The following OTUD7A variants were observed in gnomAD, a reference collection of about 807,000 sequenced individuals.
OTUD7A encodes the protein OTU deubiquitinase 7A, also known as OTU domain-containing protein 7A.
Under a neutral mutation model 65.7 loss-of-function variants are expected in OTUD7A, and 12 were observed. That is an observed-to-expected ratio of 0.18 (90% CI 0.12 to 0.30). The LOEUF (loss-of-function observed/expected upper bound fraction) is 0.30, where lower values mean the gene tolerates loss of function less well. Among genes scored for constraint, OTUD7A ranks in the 10% least tolerant of loss-of-function variants. The probability of loss-of-function intolerance (pLI) is 1.00; values close to 1 mark genes in which losing one functional copy is unlikely to be tolerated. For missense variants in OTUD7A, 1,148 were observed against 1,304.8 expected, an observed-to-expected ratio of 0.88 and a Z score of 1.85; for synonymous variants, 641 against 586.3, an observed-to-expected ratio of 1.09 and a Z score of -1.35.
intron 1 of OTUD7A, among the ~76,000 whole-genome samples, chr15:31,782,725 G>A (rs920333409): frequency 3.3e-5 from 5 of 151,956 alleles, no homozygotes; most frequent in Admixed American, 3.3e-4. Context: ...GATTGGCTTG[G>A]GGGTACAGAG....
intron 3 of OTUD7A, among the ~76,000 whole-genome samples, chr15:31,633,116 G>A (rs1203837404): frequency 6.6e-5 from 10 of 152,178 alleles, no homozygotes; most frequent in Admixed American, 3.9e-4. Flanking sequence ...CGCACAGTGC[G>A]CTGCACCCAC....
At chr15:31,681,197 T>C (rs893868533) in intron 1 of OTUD7A, among the ~76,000 whole-genome samples, 1 of 151,820 alleles carries the variant, frequency 6.6e-6, no homozygotes, top group African/African-American at 2.4e-5. Flanking sequence ...TCTTTCCTGA[T>C]TTTCTGTCTC....
intron 1 of OTUD7A, among the ~76,000 whole-genome samples, chr15:31,684,000 C>G (rs1445894351): frequency 1.3e-5 from 2 of 152,130 alleles, no homozygotes; most frequent in African/African-American, 4.8e-5. Context: ...AGCATTGGCT[C>G]AAGACCAAAT....
At chr15:31,577,657 A>G (rs1566928193) in intron 3 of OTUD7A, among the ~76,000 whole-genome samples, 1 of 152,134 alleles carries the variant, frequency 6.6e-6, no homozygotes, top group Non-Finnish European at 1.5e-5. Context: ...GGTCATGGTC[A>G]TTCGTACTGG....
At chr15:31,642,908 A>T (rs1233174713) in intron 3 of OTUD7A, among the ~76,000 whole-genome samples, 2 of 150,940 alleles carry the variant, frequency 1.3e-5, no homozygotes, top group East Asian at 3.9e-4. Context: ...TTATTATTTC[A>T]TTTCTTCTGT....
intron 6 of OTUD7A, among the ~76,000 whole-genome samples, chr15:31,528,990 T>C (rs1005124119): frequency 1.3e-5 from 2 of 152,204 alleles, no homozygotes; most frequent in Non-Finnish European, 2.9e-5. Flanking sequence ...CCAGGCTCTC[T>C]TGCAGATGGA....
At chr15:31,794,383 T>C (rs970146919) in intron 1 of OTUD7A, among the ~76,000 whole-genome samples, 8 of 152,186 alleles carry the variant, frequency 5.3e-5, no homozygotes, top group Non-Finnish European at 1.2e-4. Flanking sequence ...AGAGATTATT[T>C]AATGTTCCTA....
rs780690542 is a variant in OTUD7A at position 31,503,827 on chromosome 15, C to T, written c.894-9G>A. ...CCTCAGAGTTGTCCACACTGTGAAA[C>T]AAAACAGAGCCAGCTGGTCACTGAC... On this transcript the variant is annotated splice_polypyrimidine_tract_variant and intron_variant, in intron 8 of 12. Coordinates refer to ENST00000307050, the MANE Select transcript of OTUD7A (RefSeq NM_001382637.1). 6.2e-7 allele frequency: 1 copy of T among 1,613,922 alleles called. No individual in the cohort carries two copies. The highest frequency in any genetic ancestry group is 1.7e-5 in the Admixed American group (1 of 60,010).
At chr15:31,507,248 A>T (rs996775162) in intron 8 of OTUD7A, among the ~76,000 whole-genome samples, 1 of 152,178 alleles carries the variant, frequency 6.6e-6, no homozygotes, top group Non-Finnish European at 1.5e-5. Context: ...GATTAAGGGT[A>T]GGTTTAGAGT....
chr15:31,733,516 C>G (rs985485903), intron 1 of OTUD7A, among the ~76,000 whole-genome samples: 4 of 152,176 alleles, frequency 2.6e-5, no homozygotes, highest in African/African-American at 9.7e-5. Flanking sequence ...AACGCTTTTT[C>G]CTCTAGGAAG....
At chr15:31,510,510 A>C (rs2041672317) in intron 8 of OTUD7A, among the ~76,000 whole-genome samples, 1 of 143,432 alleles carries the variant, frequency 7.0e-6, no homozygotes, top group Non-Finnish European at 1.5e-5. Flanking sequence ...TAACATACAT[A>C]TATATGTATA....
chr15:31,670,927 G>A (rs554372012), intron 1 of OTUD7A, among the ~76,000 whole-genome samples: 9 of 152,114 alleles, frequency 5.9e-5, no homozygotes, highest in African/African-American at 1.4e-4. Context: ...CCCGGGAGGC[G>A]GAGCTTGCAG....
At position 31,482,780 on chromosome 15, in the gene OTUD7A, TCCTAGGCCTC is replaced by T. The variant is rs2041146813; in HGVS notation, c.*504_*513del. Reference sequence around the variant, plus strand: ...AGCTGGCGGCCAGGTACCCGCCTTCTCCTAGGCCTCGGGATGGGAGGCAGGTAGAGCTCAC... The same window carrying T: ...AGCTGGCGGCCAGGTACCCGCCTTCTGGGATGGGAGGCAGGTAGAGCTCAC... On this transcript the variant is annotated 3_prime_UTR_variant, in exon 13 of 13. Transcript: ENST00000307050. The T allele has an allele frequency of 6.6e-6, 1 of 152,176 alleles. No homozygotes were observed. Among genetic ancestry groups the T allele is most frequent in the Non-Finnish European group, 1.5e-5 (1 of 68,048 alleles). The allele number at this position is 152,176 out of a possible 1,614,324, so 9.4% of individuals were successfully genotyped here.
intron 1 of OTUD7A, among the ~76,000 whole-genome samples, chr15:31,822,730 C>T (rs1896714492): frequency 6.6e-6 from 1 of 152,222 alleles, no homozygotes; most frequent in Admixed American, 6.5e-5. Context: ...GAAGAGACTT[C>T]ATCTCTAATC....
chr15:31,863,489 T>C (rs919969963), intron 1 of OTUD7A, among the ~76,000 whole-genome samples: 1 of 152,238 alleles, frequency 6.6e-6, no homozygotes, highest in Non-Finnish European at 1.5e-5. Context: ...TCTTGACTTC[T>C]GTGTACCCAC....
chr15:31,567,668 A>G (rs568541036), intron 4 of OTUD7A, among the ~76,000 whole-genome samples: 34 of 152,226 alleles, frequency 2.2e-4, no homozygotes, highest in Non-Finnish European at 4.1e-4. Context: ...AGAGACCTTC[A>G]CAGCAGCCCC....
chr15:31,732,620 G>A (rs1470240691), intron 1 of OTUD7A, among the ~76,000 whole-genome samples: 1 of 152,198 alleles, frequency 6.6e-6, no homozygotes, highest in Non-Finnish European at 1.5e-5. Context: ...TGGGGCATAC[G>A]TAACAAGCAT....
intron 1 of OTUD7A, among the ~76,000 whole-genome samples, chr15:31,674,550 G>A (rs1892554476): frequency 6.6e-6 from 1 of 152,162 alleles, no homozygotes; most frequent in Non-Finnish European, 1.5e-5. Context: ...TGAGACCCTG[G>A]ATTTCAGAAA....
intron 1 of OTUD7A, among the ~76,000 whole-genome samples, chr15:31,664,184 A>C (rs1375622238): frequency 1.3e-5 from 2 of 152,076 alleles, no homozygotes; most frequent in Non-Finnish European, 1.5e-5. Flanking sequence ...CTGGGTAGAT[A>C]CCAAGTAGTG....
Sources: allele counts gnomAD v4.1 joint callset (sites outside exome capture counted in the v4.1 genomes callset), GRCh38; gene constraint gnomAD v4.1.1; transcripts MANE v1.5; gene names NCBI Gene and HGNC (gene_info 2026-07-23, HGNC 2026-07-21).